GNAL: variants seen among roughly 807,000 people sequenced by gnomAD.
GNAL encodes guanine nucleotide-binding protein G(olf) subunit alpha.
GNAL carries 18 observed loss-of-function variants against 55.1 expected under a neutral mutation model. The observed-to-expected ratio is 0.33, with a 90% confidence interval of 0.23 to 0.48. The LOEUF is 0.48. Among genes scored for constraint, GNAL ranks in the 20% least tolerant of loss-of-function variants. GNAL has a pLI of 0.99. For missense variants in GNAL, 412 were observed against 614.1 expected, an observed-to-expected ratio of 0.67 and a Z score of 3.48; for synonymous variants, 253 against 237.0, an observed-to-expected ratio of 1.07 and a Z score of -0.62.
intron 5 of GNAL, among the ~76,000 whole-genome samples, chr18:11,860,772 C>A (rs965502145): frequency 1.3e-5 from 2 of 152,180 alleles, no homozygotes; most frequent in Admixed American, 1.3e-4. Flanking sequence ...GGACTCCGAA[C>A]CCCTGGTGAT....
Position 11,753,595 on chromosome 18 carries a change from A to G in GNAL, c.450-33A>G, listed in dbSNP as rs573304987. The G allele has an allele frequency of 2.3e-5, 31 of 1,348,108 alleles. No individual in the cohort carries two copies. In the South Asian group the frequency reaches 3.2e-4, roughly 14 times the overall value. 83.5% of individuals were successfully genotyped at this position (1,348,108 alleles called of 1,614,324 possible). On this transcript the variant is annotated intron_variant, in intron 2 of 11. Transcript: ENST00000334049. ...TTGATTGGAATCAGTGCTAAGAGTA[A>G]ATTAAGCTAATAACAACTCTCTTTC...
intron 1 of GNAL, among the ~76,000 whole-genome samples, chr18:11,725,140 T>C (rs1340917201): frequency 6.6e-6 from 1 of 152,220 alleles, no homozygotes; most frequent in Non-Finnish European, 1.5e-5. Context: ...TGTTAGGGGC[T>C]GCCTCCCACA....
At chr18:11,746,196 TATC>T (rs2032684160) in intron 1 of GNAL, 2 of 543,066 alleles carry the variant, frequency 3.7e-6, no homozygotes, top group African/African-American at 1.9e-5. Context: ...AATGGTTAAA[TATC>T]ATCACTGTAG....
At chr18:11,800,613 C>T (rs1598470569) in intron 4 of GNAL, among the ~76,000 whole-genome samples, 1 of 152,054 alleles carries the variant, frequency 6.6e-6, no homozygotes, top group Non-Finnish European at 1.5e-5. Flanking sequence ...AGGCCATGGC[C>T]CAGGTTGAAT....
chr18:11,752,720 G>A lies in GNAL; in HGVS notation c.377-133G>A, dbSNP rs904296535. On this transcript the variant is annotated intron_variant, in intron 1 of 11. Coordinates refer to ENST00000334049, the MANE Select transcript of GNAL (RefSeq NM_182978.4). This position sits in a 1 kb window ranked among gnomAD's most constrained non-coding sequence, Gnocchi z 4.5. The stretch of plus-strand genomic sequence containing the variant: ...GGAGCCCAGACGGCGGCCGGGGCGA[G>A]CTCCTCCAGCCAGGAACCCGCGTGT... The A allele has an allele frequency of 1.7e-6, 2 of 1,161,758 alleles. No individual in the cohort carries two copies. The highest frequency in any genetic ancestry group is 2.4e-6 in the Non-Finnish European group (2 of 825,552). The allele number at this position is 1,161,758 out of a possible 1,614,324, so 72.0% of individuals were successfully genotyped here. A position where few individuals can be genotyped will look rare whatever the true frequency, so the allele number is the denominator to read the frequency against.
intron 5 of GNAL, among the ~76,000 whole-genome samples, chr18:11,828,091 G>T (rs1190543429): frequency 6.6e-6 from 1 of 152,200 alleles, no homozygotes; most frequent in South Asian, 2.1e-4. Context: ...GTTGCTTTCG[G>T]TTTGGATGTG....
chr18:11,736,398 T>A (rs2032464770), intron 1 of GNAL, among the ~76,000 whole-genome samples: 1 of 152,206 alleles, frequency 6.6e-6, no homozygotes, highest in Admixed American at 6.5e-5. Context: ...CTATCTCTAT[T>A]ATTTTTTAAA....
chr18:11,854,916 C>G (rs997012456), intron 5 of GNAL, among the ~76,000 whole-genome samples: 1 of 152,110 alleles, frequency 6.6e-6, no homozygotes, highest in Non-Finnish European at 1.5e-5. Flanking sequence ...TCTAGGATCC[C>G]TGGCTTATTT....
intron 5 of GNAL, among the ~76,000 whole-genome samples, chr18:11,844,293 G>T (rs2035683575): frequency 6.6e-6 from 1 of 152,052 alleles, no homozygotes; most frequent in Non-Finnish European, 1.5e-5. Flanking sequence ...AATTAGCTGG[G>T]CGTGGTGGCG....
intron 4 of GNAL, among the ~76,000 whole-genome samples, chr18:11,795,509 T>C (rs1001274481): frequency 1.3e-5 from 2 of 152,210 alleles, no homozygotes; most frequent in Non-Finnish European, 2.9e-5. Context: ...TTATAAATAT[T>C]GCAGTGTCAC....
chr18:11,748,764 A>G (rs1482415545), intron 1 of GNAL, among the ~76,000 whole-genome samples: 2 of 152,144 alleles, frequency 1.3e-5, no homozygotes, highest in Admixed American at 6.5e-5. Flanking sequence ...TTGACATTAA[A>G]AAAAAGTTGG....
At chr18:11,774,722 G>A (rs1472110292) in intron 4 of GNAL, among the ~76,000 whole-genome samples, 1 of 152,162 alleles carries the variant, frequency 6.6e-6, no homozygotes, top group African/African-American at 2.4e-5. Flanking sequence ...GTCCCCCTGT[G>A]TACTGTGAGG....
At chr18:11,856,140 C>G (rs1215819436) in intron 5 of GNAL, among the ~76,000 whole-genome samples, 1 of 151,466 alleles carries the variant, frequency 6.6e-6, no homozygotes, top group Non-Finnish European at 1.5e-5. Flanking sequence ...GTCCAAAGCT[C>G]AAGATCTTTA....
At chr18:11,713,584 G>GGCCA in intron 1 of GNAL, among the ~76,000 whole-genome samples, 1 of 152,040 alleles carries the variant, frequency 6.6e-6, no homozygotes, top group Non-Finnish European at 1.5e-5. Context: ...GCAGGTTGTG[G>GGCCA]GTCAGACTAT....
At chr18:11,730,727 G>A (rs900645890) in intron 1 of GNAL, among the ~76,000 whole-genome samples, 4 of 152,072 alleles carry the variant, frequency 2.6e-5, no homozygotes, top group African/African-American at 9.6e-5. Context: ...TCGCGTCACT[G>A]CACCCCAGCC....
intron 1 of GNAL, 35 bp downstream of exon 1, chr18:11,689,974 G>T (rs1260676030): frequency 8.4e-7 from 1 of 1,192,392 alleles, no homozygotes; most frequent in Non-Finnish European, 1.1e-6. Context: ...TGACGCCCCG[G>T]GGACAGCGCG....
intron 4 of GNAL, among the ~76,000 whole-genome samples, chr18:11,792,994 A>T (rs1390496851): frequency 1.3e-5 from 2 of 152,260 alleles, no homozygotes; most frequent in African/African-American, 4.8e-5. Context: ...AGAGACATAT[A>T]TAACTTTACT....
intron 5 of GNAL, among the ~76,000 whole-genome samples, chr18:11,861,963 TACACACAC>T (rs56087854): frequency 8.1e-5 from 12 of 148,060 alleles, no homozygotes; most frequent in South Asian, 2.2e-4. Flanking sequence ...CACGCAGTCA[TACACACAC>T]ACACACACAC....
rs1357708003 is a variant in GNAL at position 11,752,721 on chromosome 18, C to T, written c.377-132C>T. 10 of 1,154,596 alleles carry T rather than the reference C, an allele frequency of 8.7e-6. No individual in the cohort carries two copies. Among genetic ancestry groups the T allele is most frequent in the Non-Finnish European group, 1.2e-5 (10 of 818,616 alleles). The allele number at this position is 1,154,596 out of a possible 1,614,324, so 71.5% of individuals were successfully genotyped here. A position where few individuals can be genotyped will look rare whatever the true frequency, so the allele number is the denominator to read the frequency against. ...GAGCCCAGACGGCGGCCGGGGCGAG[C>T]TCCTCCAGCCAGGAACCCGCGTGTA... is the stretch of plus-strand genomic sequence containing the variant. On this transcript the variant is annotated intron_variant, in intron 1 of 11. Transcript: ENST00000334049. This position sits in a 1 kb window ranked among gnomAD's most constrained non-coding sequence, Gnocchi z 4.5.
Sources: gnomAD v4.1 joint callset for allele counts (sites outside exome capture counted in the v4.1 genomes callset) on GRCh38, gnomAD v4.1.1 for gene constraint, Gnocchi (gnomAD v3.1) non-coding constraint, MANE v1.5 for transcripts, NCBI Gene and HGNC (gene_info 2026-07-23, HGNC 2026-07-21) for gene names.